The following MSH6 variants were observed in gnomAD, a reference collection of about 807,000 sequenced individuals.
MSH6 encodes DNA mismatch repair protein Msh6.
In MSH6, 85 loss-of-function variants were observed where a neutral mutation model predicts 119.1. The ratio of observed to expected loss-of-function variants is 0.71; its 90% CI spans 0.60 to 0.85. MSH6 has a LOEUF of 0.85. Ranked by LOEUF, MSH6 falls within the 40% of genes least tolerant of loss-of-function variation. The pLI is 0.00. For missense variants in MSH6, 2,163 were observed against 1,655.3 expected (o/e 1.31, Z -5.32); for synonymous variants, 830 against 586.9 (o/e 1.41, Z -5.99).
rs1060504742 is a variant in MSH6 at position 47,803,682 on chromosome 2, A to G, written c.3435A>G (p.Arg1145=). ...TGGGGGGCAAGTCTACGCTTATGAG[A>G]CAGGTAACTGATTCTTAAAGTTTTG... ...PNMGGKSTLM[R]QAGLLAVMAQ... is the part of the protein sequence containing the mutation. The change falls in exon 5 of 10, where the codon AGA becomes AGG. Residue 1145 remains arginine, a synonymous_variant. Coordinates refer to ENST00000234420, the MANE Select transcript of MSH6 (RefSeq NM_000179.3). 1.9e-6 allele frequency: 3 copies of G among 1,614,198 alleles called. No homozygotes were observed. The highest frequency in any genetic ancestry group is 2.5e-6 in the Non-Finnish European group (3 of 1,180,028).
intron 1 of MSH6, among the ~76,000 whole-genome samples, chr2:47,788,808 G>T (rs995915287): frequency 6.7e-6 from 1 of 150,214 alleles, no homozygotes; most frequent in Non-Finnish European, 1.5e-5. Flanking sequence ...CTGACCTCAG[G>T]TGATCTGCCT....
In MSH6 at chr2:47,800,543, A is replaced by T. The variant is rs2104412640; in HGVS notation, c.2560A>T (p.Lys854Ter). Residue 854 changes from lysine to a stop codon, truncating the protein, a stop_gained, in exon 4 of 10, where the codon AAG (lysine) becomes TAG (stop). Transcript: ENST00000234420. LOFTEE classifies it high-confidence loss of function. ...TGAAGAAACTACATACAGCAAGAAGAAGATTATTGATTTTCTTTCTGCTCT... is the reference window on the plus strand; with the variant it reads ...TGAAGAAACTACATACAGCAAGAAGTAGATTATTGATTTTCTTTCTGCTCT... ...MYEETTYSKK[K>*]IIDFLSALEG... The T allele has an allele frequency of 6.2e-7, 1 of 1,613,620 alleles. No individual in the cohort carries two copies.
At chr2:47,789,410 T>G in intron 1 of MSH6, 1 of 458,828 alleles carries the variant, frequency 2.2e-6, no homozygotes, top group South Asian at 1.7e-5. Flanking sequence ...TCACACAAAC[T>G]TTTTTTTCCT....
At chr2:47,789,454 G>C (rs369161134) in intron 1 of MSH6, 83 of 461,634 alleles carry the variant, frequency 1.8e-4, no homozygotes, top group African/African-American at 1.6e-3. Context: ...TAAACAAATG[G>C]AAGACATTAT....
intron 1 of MSH6, chr2:47,785,014 G>C (rs536093260): frequency 6.6e-6 from 1 of 151,714 alleles, no homozygotes; most frequent in Non-Finnish European, 1.5e-5. Flanking sequence ...TAGTAGAGAC[G>C]GGTTTCACTA....
chr2:47,787,341 C>A (rs1668407433), intron 1 of MSH6, among the ~76,000 whole-genome samples: 1 of 152,044 alleles, frequency 6.6e-6, no homozygotes, highest in African/African-American at 2.4e-5. Context: ...ATTTTAGGAA[C>A]AACTAGTAAT....
chr2:47,784,153 G>C (rs569776602), intron 1 of MSH6: 57 of 1,005,220 alleles, frequency 5.7e-5, no homozygotes, highest in Non-Finnish European at 6.5e-5. Flanking sequence ...GCGCGGGGGG[G>C]TGTGTCACCA....
intron 2 of MSH6, among the ~76,000 whole-genome samples, chr2:47,795,335 T>C (rs1669004729): frequency 6.6e-6 from 1 of 152,082 alleles, no homozygotes; most frequent in Non-Finnish European, 1.5e-5. Context: ...TAAAAAGTAA[T>C]GGGGCATAAC....
intron 7 of MSH6, among the ~76,000 whole-genome samples, 169 bp downstream of exon 7, chr2:47,805,876 G>A (rs564006995): frequency 2.1e-5 from 3 of 145,696 alleles, no homozygotes; most frequent in South Asian, 2.1e-4. Flanking sequence ...AGGTGATATT[G>A]TGAAAGGTTT....
At chr2:47,791,188 C>G (rs1572709282) in intron 2 of MSH6, 65 bp downstream of exon 2, 1 of 1,425,134 alleles carries the variant, frequency 7.0e-7, no homozygotes, top group Non-Finnish European at 9.9e-7. Flanking sequence ...GAGAAACAGA[C>G]AGACAGGCAG....
chr2:47,805,165 A>T lies in MSH6; in HGVS notation c.3556+138A>T. ...ACTTTAAAAACATCACTTTTTAAGA[A>T]CTGCATAGTCTCTCTCTCTTTTTTT... On this transcript the variant is annotated intron_variant, in intron 6 of 9. Coordinates refer to ENST00000234420, the MANE Select transcript of MSH6 (RefSeq NM_000179.3). 4.4e-6 allele frequency: 3 copies of T among 687,838 alleles called. No individual in the cohort carries two copies. In the South Asian group the frequency reaches 5.1e-5, roughly 12 times the overall value. The allele number at this position is 687,838 out of a possible 1,614,324, so 42.6% of individuals were successfully genotyped here.
At chr2:47,784,382 G>C (rs1481409990) in intron 1 of MSH6, 1 of 406,288 alleles carries the variant, frequency 2.5e-6, no homozygotes, top group African/African-American at 2.2e-5. Flanking sequence ...TTAATCGGGC[G>C]CTGGACAAAG....
chr2:47,801,691 G>A (rs992080942), intron 4 of MSH6, among the ~76,000 whole-genome samples: 46 of 151,550 alleles, frequency 3.0e-4, no homozygotes, highest in East Asian at 9.7e-4. Context: ...TTTAATAATC[G>A]AACAAAAGGT....
At position 47,787,408 on chromosome 2, in the gene MSH6, A is replaced by G. The variant is rs549507536; in HGVS notation, c.261-3519A>G. The stretch of plus-strand genomic sequence containing the variant: ...AAAAATAATGTGATTTTAAACCAGA[A>G]TTCAAAAGATCTGTTTAGCGTATGT... On this transcript the variant is annotated intron_variant, in intron 1 of 9. Transcript: ENST00000234420. 6.6e-5 allele frequency among the ~76,000 whole-genome samples: 10 copies of G among 152,336 alleles called. No individual in the cohort carries two copies. The South Asian group carries it at 2.1e-3, about 32-fold the overall frequency.
chr2:47,807,390 C>T (rs563942283), downstream of MSH6: 35 of 207,838 alleles, frequency 1.7e-4, no homozygotes, highest in Admixed American at 1.8e-3. Flanking sequence ...CTCACTTTTT[C>T]TAGGGGTGAT....
Position 47,806,743 on chromosome 2 carries a change from C to CAA in MSH6, c.4002-30_4002-29dup, listed in dbSNP as rs1553333888. 4.3e-6 allele frequency: 6 copies of CAA among 1,389,274 alleles called. No individual in the cohort carries two copies. In the East Asian group the frequency reaches 1.2e-4, roughly 29 times the overall value. The allele number at this position is 1,389,274 out of a possible 1,614,324, so 86.1% of individuals were successfully genotyped here. A position where few individuals can be genotyped will look rare whatever the true frequency, so the allele number is the denominator to read the frequency against. On this transcript the variant is annotated intron_variant, in intron 9 of 9. Coordinates refer to ENST00000234420, the MANE Select transcript of MSH6 (RefSeq NM_000179.3). The stretch of plus-strand genomic sequence containing the variant: ...GAAGGGATGATGCACTATGAAAAAA[C>CAA]AAAAAAACTTTTTTTTTTTTTTTTT...
rs864622734 is a variant in MSH6, at chr2:47,806,366, C to A, written c.3801+8C>A. 1 of 1,613,900 alleles carries A rather than the reference C, an allele frequency of 6.2e-7. No homozygotes were observed. The highest frequency in any genetic ancestry group is 8.5e-7 in the Non-Finnish European group (1 of 1,179,964). The stretch of plus-strand genomic sequence containing the variant: ...GTGCGCCTAGGACATATGGTATGTG[C>A]AAATTGTTTTTTTCCACAAATTCGG... On this transcript the variant is annotated splice_region_variant and intron_variant, in intron 8 of 9. Coordinates refer to ENST00000234420, the MANE Select transcript of MSH6 (RefSeq NM_000179.3).
chr2:47,796,660 TGAATTAAAACTTGTTAGG>T (rs1240838588), intron 3 of MSH6, among the ~76,000 whole-genome samples: 1 of 152,164 alleles, frequency 6.6e-6, no homozygotes, highest in Non-Finnish European at 1.5e-5. Context: ...ATGGATAAAG[TGAATTAAAACTTGTTAGG>T]GGCCAGGTGT....
Position 47,806,256 on chromosome 2 carries a change from A to C in MSH6, c.3699A>C (p.Lys1233Asn). The stretch of plus-strand genomic sequence containing the variant: ...CGGCAATAGCAAATGCAGTTGTTAA[A>C]GAACTTGCTGAGACTATAAAATGTC... ...DGTAIANAVV[K>N]ELAETIKCRT... Residue 1233 changes from lysine to asparagine, a missense_variant, in exon 8 of 10, where the codon AAA (lysine) becomes AAC (asparagine). Lys to Asn is a moderately conservative substitution (Grantham distance 94). Coordinates refer to ENST00000234420, the MANE Select transcript of MSH6 (RefSeq NM_000179.3). 6.2e-7 allele frequency: 1 copy of C among 1,614,132 alleles called. No individual in the cohort carries two copies. Among genetic ancestry groups the C allele is most frequent in the Non-Finnish European group, 8.5e-7 (1 of 1,179,976 alleles).
Sources: allele counts gnomAD v4.1 joint callset (sites outside exome capture counted in the v4.1 genomes callset), GRCh38; gene constraint gnomAD v4.1.1; transcripts MANE v1.5; gene names NCBI Gene and HGNC (gene_info 2026-07-23, HGNC 2026-07-21).